Variants in NPLOC4 observed in about 807,000 individuals in gnomAD.
NPLOC4 encodes nuclear protein localization protein 4 homolog.
NPLOC4 carries 18 observed loss-of-function variants against 80.6 expected under a neutral mutation model. The observed-to-expected ratio is 0.22, with a 90% CI of 0.15 to 0.33. The LOEUF is 0.33. Among genes scored for constraint, NPLOC4 ranks in the 10% least tolerant of loss-of-function variants. The pLI, the probability that NPLOC4 is intolerant of heterozygous loss-of-function variation, is 1.00. For synonymous variants in NPLOC4, 313 were observed against 301.5 expected (o/e 1.04, Z -0.39); for missense variants, 540 against 786.1 (o/e 0.69, Z 3.74).
At chr17:81,628,000 C>T (rs1383129797) in intron 2 of NPLOC4, among the ~76,000 whole-genome samples, 4 of 151,848 alleles carry the variant, frequency 2.6e-5, no homozygotes, top group African/African-American at 9.7e-5. Flanking sequence ...ATCACGAGGT[C>T]AGGAGATGAA....
At position 81,636,986 on chromosome 17, in the gene NPLOC4, A is replaced by G. The variant is rs2036098578; in HGVS notation, c.-56T>C. ...CCGGGCCGCCGCCGCCTGCCGCCCC[A>G]AGGGCCTCGCAGACCCGGCCGCGGC... is the stretch of plus-strand genomic sequence containing the variant. On this transcript the variant is annotated 5_prime_UTR_variant, in exon 1 of 17. Coordinates refer to ENST00000331134, the MANE Select transcript of NPLOC4 (RefSeq NM_017921.4). 2.6e-5 allele frequency: 31 copies of G among 1,173,640 alleles called. No homozygotes were observed. Among genetic ancestry groups the G allele is most frequent in the Non-Finnish European group, 3.2e-5 (30 of 932,234 alleles). The allele number at this position is 1,173,640 out of a possible 1,614,324, so 72.7% of individuals were successfully genotyped here.
At chr17:81,565,651 G>A in intron 15 of NPLOC4, 44 bp from the exon 16 acceptor site, 5 of 1,406,064 alleles carry the variant, frequency 3.6e-6, no homozygotes, top group Non-Finnish European at 4.8e-6. Flanking sequence ...TGTGCCTAAG[G>A]TGAGCAGCTT....
chr17:81,595,530 A>ATTTTTTTTTTTTTTT (rs200287444), intron 11 of NPLOC4, among the ~76,000 whole-genome samples: 1 of 113,126 alleles, frequency 8.8e-6, no homozygotes, highest in Non-Finnish European at 2.0e-5. Context: ...ACATATATAT[A>ATTTTTTTTTTTTTTT]TATATTTTTT....
rs1242077876 is a variant in NPLOC4 at position 81,557,085 on chromosome 17, C to T, written c.*2174G>A. The stretch of plus-strand genomic sequence containing the variant: ...AGGAGACTGGCAGCCGCTGTGTTCA[C>T]CTGGGCAGGTGTGCACCCAGTCACC... On this transcript the variant is annotated 3_prime_UTR_variant, in exon 17 of 17. Coordinates refer to ENST00000331134, the MANE Select transcript of NPLOC4 (RefSeq NM_017921.4). 2.0e-5 allele frequency: 3 copies of T among 152,274 alleles called. No individual in the cohort carries two copies. In the East Asian group the frequency reaches 5.8e-4, roughly 29 times the overall value. 9.4% of individuals were successfully genotyped at this position (152,274 alleles called of 1,614,324 possible).
chr17:81,599,621 G>C (rs2035012765), intron 9 of NPLOC4, among the ~76,000 whole-genome samples: 1 of 152,134 alleles, frequency 6.6e-6, no homozygotes, highest in African/African-American at 2.4e-5. Context: ...TTCATGGTCT[G>C]AGTTGATTAG....
At position 81,577,761 on chromosome 17, in the gene NPLOC4, A is replaced by G. The variant is rs1038642906; in HGVS notation, c.1282-5673T>C. ...GGCACCAGTGCCAACCCTGCTCCCC[A>G]AAACCAGGAACCTGGCTTGAGCCTG... On this transcript the variant is annotated intron_variant, in intron 12 of 16. Coordinates refer to ENST00000331134, the MANE Select transcript of NPLOC4 (RefSeq NM_017921.4). This position sits in a 1 kb window ranked among gnomAD's most constrained non-coding sequence, Gnocchi z 4.3. Among the ~76,000 whole-genome samples, 6 of 152,124 alleles carry G rather than the reference A, an allele frequency of 3.9e-5. No individual in the cohort carries two copies. The highest frequency in any genetic ancestry group is 2.1e-4 in the South Asian group (1 of 4,820).
In NPLOC4 at chr17:81,588,950, A is replaced by C; in HGVS notation, c.1275T>G (p.Phe425Leu). The change falls in exon 12 of 17, where the codon TTT becomes TTG. Residue 425 changes from phenylalanine (F) to leucine (L), a missense_variant. Around this residue, in one of 6 missense-constraint regions of NPLOC4, gnomAD observed 251 missense variants for 377.5 expected, o/e 0.66. Transcript: ENST00000331134. ...TTTCTTACCATACTTTTACCTTATAAAACACATCAGGCACGTACTGCTCAC... is the reference window on the plus strand; with the variant it reads ...TTTCTTACCATACTTTTACCTTATACAACACATCAGGCACGTACTGCTCAC... Reference protein sequence around the residue: ...SSSEQYVPDVFYKDVDKFGNE... With the variant: ...SSSEQYVPDVLYKDVDKFGNE... The C allele has an allele frequency of 1.9e-6, 3 of 1,611,876 alleles. No individual in the cohort carries two copies. Among genetic ancestry groups the C allele is most frequent in the East Asian group, 2.2e-5 (1 of 44,860 alleles).
intron 12 of NPLOC4, among the ~76,000 whole-genome samples, chr17:81,586,607 CA>C (rs199678879): frequency 5.4e-3 from 675 of 125,958 alleles, no homozygotes; most frequent in African/African-American, 0.015. Context: ...AAAACTGTCT[CA>C]AAAAAAAAAA....
At chr17:81,636,880 C>T (rs967270422) in intron 1 of NPLOC4, 36 bp downstream of exon 1, 1 of 1,405,184 alleles carries the variant, frequency 7.1e-7, no homozygotes, top group Admixed American at 2.5e-5. Flanking sequence ...CTGCCTCATC[C>T]CGGCGTCCCC....
intron 3 of NPLOC4, 100 bp from the exon 4 acceptor site, chr17:81,613,594 T>C: frequency 1.9e-6 from 2 of 1,045,400 alleles, no homozygotes; most frequent in Non-Finnish European, 2.8e-6. Context: ...CAACCACCCC[T>C]GTAGGCCTAA....
At chr17:81,634,269 G>A (rs575476452) in intron 1 of NPLOC4, among the ~76,000 whole-genome samples, 68 of 152,140 alleles carry the variant, frequency 4.5e-4, no homozygotes, top group African/African-American at 1.6e-3. Context: ...TCAAAGTGCT[G>A]GGATTACAGG....
chr17:81,608,373 C>T (rs913370413), intron 6 of NPLOC4, among the ~76,000 whole-genome samples: 2 of 152,208 alleles, frequency 1.3e-5, no homozygotes, highest in East Asian at 3.8e-4. Flanking sequence ...TGTGGCCACG[C>T]AGCCAGGCGC....
rs780878214 is a variant in NPLOC4, at chr17:81,616,333, A to AAAAAAAAAAAAAAAAAAGAAAC, written c.210-2840_210-2839insGTTTCTTTTTTTTTTTTTTTTT. 2.6e-4 allele frequency among the ~76,000 whole-genome samples: 30 copies of AAAAAAAAAAAAAAAAAAGAAAC among 115,612 alleles called. 1 individual carries two copies. The highest frequency in any genetic ancestry group is 8.7e-4 in the South Asian group (3 of 3,436). The allele number at this position is 115,612 out of a possible 152,430, so 75.8% of individuals were successfully genotyped here. ...AAGACTCTGTCTCAAAAAAAAAAAAAAAAAAGAAAAGCAAAGCTGCTAAAT... is the reference window on the plus strand; with the variant it reads ...AAGACTCTGTCTCAAAAAAAAAAAAAAAAAAAAAAAAAAAAAAGAAACAAAAAGAAAAGCAAAGCTGCTAAAT... On this transcript the variant is annotated intron_variant, in intron 3 of 16. Transcript: ENST00000331134.
intron 12 of NPLOC4, among the ~76,000 whole-genome samples, chr17:81,585,195 A>AAAAT (rs1199896684): frequency 1.3e-5 from 2 of 149,296 alleles, no homozygotes; most frequent in Non-Finnish European, 1.5e-5. Context: ...AAAAAAAAAA[A>AAAAT]GAGTATGGTA....
chr17:81,591,011 C>T (rs562509767), intron 11 of NPLOC4, among the ~76,000 whole-genome samples: 1 of 152,338 alleles, frequency 6.6e-6, no homozygotes, highest in African/African-American at 2.4e-5. Flanking sequence ...AAGATACAGG[C>T]ACCTCACTTG....
chr17:81,596,378 C>T (rs552882577), intron 10 of NPLOC4, 136 bp from the exon 11 acceptor site: 41 of 975,178 alleles, frequency 4.2e-5, no homozygotes, highest in African/African-American at 1.3e-4. Context: ...GAGGTGGAGG[C>T]GGGAGGTCCA....
At position 81,616,333 on chromosome 17, in the gene NPLOC4, A is replaced by AGAAAC. The variant is rs1555686395; in HGVS notation, c.210-2840_210-2839insGTTTC. Among the ~76,000 whole-genome samples the AGAAAC allele has an allele frequency of 4.5e-4, 52 of 115,616 alleles. 5 individuals are homozygous for AGAAAC. The Admixed American group carries it at 4.8e-3, about 11-fold the overall frequency. The allele number at this position is 115,616 out of a possible 152,430, so 75.8% of individuals were successfully genotyped here. A position where few individuals can be genotyped will look rare whatever the true frequency, so the allele number is the denominator to read the frequency against. On this transcript the variant is annotated intron_variant, in intron 3 of 16. Coordinates refer to ENST00000331134, the MANE Select transcript of NPLOC4 (RefSeq NM_017921.4). ...AAGACTCTGTCTCAAAAAAAAAAAA[A>AGAAAC]AAAAAGAAAAGCAAAGCTGCTAAAT...
chr17:81,636,627 G>A (rs576587734), intron 1 of NPLOC4: 78 of 321,056 alleles, frequency 2.4e-4, no homozygotes, highest in African/African-American at 1.5e-3. Context: ...GAAGGAGGGC[G>A]GTTTCTCTTC....
At chr17:81,625,197 G>C (rs571094165) in intron 2 of NPLOC4, among the ~76,000 whole-genome samples, 1 of 152,304 alleles carries the variant, frequency 6.6e-6, no homozygotes, top group African/African-American at 2.4e-5. Context: ...GTAAAGCTGA[G>C]AATTCTAGAT....
Sources: allele counts gnomAD v4.1 joint callset (sites outside exome capture counted in the v4.1 genomes callset), GRCh38; gene constraint gnomAD v4.1.1; regional missense constraint gnomAD v4.1.1; non-coding constraint Gnocchi (gnomAD v3.1); transcripts MANE v1.5; gene names NCBI Gene and HGNC (gene_info 2026-07-23, HGNC 2026-07-21).